PDK1: variants seen among roughly 807,000 people sequenced by gnomAD.
PDK1 encodes the protein [Pyruvate dehydrogenase (acetyl-transferring)] kinase isozyme 1, mitochondrial.
A neutral mutation model predicts 54.2 loss-of-function variants in PDK1; 39 were observed. The ratio of observed to expected loss-of-function variants is 0.72; its 90% confidence interval spans 0.56 to 0.94. The LOEUF (loss-of-function observed/expected upper bound fraction) is 0.94. Among genes scored for constraint, PDK1 ranks in the 40% least tolerant of loss-of-function variants. The probability of loss-of-function intolerance (pLI) is 0.00; values close to 1 mark genes in which losing one functional copy is unlikely to be tolerated. For missense variants in PDK1, 552 were observed against 566.0 expected, an observed-to-expected ratio of 0.98 and a Z score of 0.25; for synonymous variants, 221 against 207.1, an observed-to-expected ratio of 1.07 and a Z score of -0.58.
At chr2:172,570,130 T>A (rs577183893) in intron 7 of PDK1, among the ~76,000 whole-genome samples, 1 of 152,344 alleles carries the variant, frequency 6.6e-6, no homozygotes, top group East Asian at 1.9e-4. Flanking sequence ...TTACATCTAG[T>A]TTATATCATT....
At chr2:172,583,000 A>G (rs776097621) in intron 8 of PDK1, among the ~76,000 whole-genome samples, 13 of 152,232 alleles carry the variant, frequency 8.5e-5, no homozygotes, top group Non-Finnish European at 1.5e-4. Flanking sequence ...TCCGTGGCCA[A>G]AAGGTTAAGG....
chr2:172,587,176 T>A (rs1457089997), intron 9 of PDK1, among the ~76,000 whole-genome samples: 3 of 152,232 alleles, frequency 2.0e-5, no homozygotes, highest in African/African-American at 2.4e-5. Flanking sequence ...TCTTGCTGAC[T>A]TCAAGAATGA....
chr2:172,621,611 A>G, the PDK1 span, among the ~76,000 whole-genome samples: 2 of 147,606 alleles, frequency 1.4e-5, no homozygotes, highest in Non-Finnish European at 3.0e-5. Flanking sequence ...ATGTTTATAT[A>G]TCATATATGT....
rs560825893 is a variant in PDK1, at chr2:172,605,915, C to G, written c.*9946C>G. On this transcript the variant is annotated 3_prime_UTR_variant, in exon 11 of 11. Coordinates refer to ENST00000282077, the MANE Select transcript of PDK1 (RefSeq NM_002610.5). ...ACTACCCCCACAACTCCCCCTCCCC[C>G]AAACCTGATAGATGCTATAATTTCT... The G allele has an allele frequency of 6.6e-6, 1 of 152,314 alleles. No individual in the cohort carries two copies. Among genetic ancestry groups the G allele is most frequent in the African/African-American group, 2.4e-5 (1 of 41,550 alleles). The allele number at this position is 152,314 out of a possible 1,614,324, so 9.4% of individuals were successfully genotyped here.
chr2:172,660,001 A>G, the PDK1 span, among the ~76,000 whole-genome samples: 2 of 152,084 alleles, frequency 1.3e-5, no homozygotes, highest in Non-Finnish European at 2.9e-5. Flanking sequence ...AATGAGATGC[A>G]GAGGATGTTC....
chr2:172,680,831 G>A, the PDK1 span, among the ~76,000 whole-genome samples: 2 of 152,256 alleles, frequency 1.3e-5, no homozygotes, highest in African/African-American at 2.4e-5. Flanking sequence ...GCAACAGAGA[G>A]CTTAAGGCAG....
At chr2:172,573,662 G>GATAT (rs60256439) in intron 8 of PDK1, among the ~76,000 whole-genome samples, 24,103 of 150,318 alleles carry the variant, frequency 0.16, 2,183 homozygotes, top group African/African-American at 0.23. Flanking sequence ...ACTCTCTCTA[G>GATAT]ATATATATAT....
At chr2:172,580,243 T>C (rs1371041024) in intron 8 of PDK1, among the ~76,000 whole-genome samples, 24 of 151,374 alleles carry the variant, frequency 1.6e-4, no homozygotes, top group African/African-American at 5.6e-4. Context: ...TATCACTTTT[T>C]TTTTTTTTTT....
rs535317158 is a variant in PDK1 at position 172,562,003 on chromosome 2, C to T, written c.339-217C>T. ...AAAATCTTAAAATTCTTAAATTTGA[C>T]CTTTGCTTTTAGGAGAAAATGTGCA... On this transcript the variant is annotated intron_variant, in intron 2 of 10. Coordinates refer to ENST00000282077, the MANE Select transcript of PDK1 (RefSeq NM_002610.5). 2.0e-5 allele frequency among the ~76,000 whole-genome samples: 3 copies of T among 152,212 alleles called. No individual in the cohort carries two copies. The South Asian group carries it at 6.2e-4, about 32-fold the overall frequency.
the PDK1 span, among the ~76,000 whole-genome samples, chr2:172,647,982 A>G: frequency 1.4e-4 from 22 of 152,262 alleles, no homozygotes; most frequent in Non-Finnish European, 2.8e-4. Context: ...TAATCATGAG[A>G]AAATGCCAGG....
chr2:172,605,660 C>G lies in PDK1; in HGVS notation c.*9691C>G, dbSNP rs149500086. Reference sequence around the variant, plus strand: ...AAAGTGTTGGGATAGCAGGCATGAACCACCGTGCTCAGCCTCTCTGTAAAT... The same window carrying G: ...AAAGTGTTGGGATAGCAGGCATGAAGCACCGTGCTCAGCCTCTCTGTAAAT... On this transcript the variant is annotated 3_prime_UTR_variant, in exon 11 of 11. Coordinates refer to ENST00000282077, the MANE Select transcript of PDK1 (RefSeq NM_002610.5). 43 of 152,380 alleles carry G rather than the reference C, an allele frequency of 2.8e-4. 1 individual carries two copies. Among genetic ancestry groups the G allele is most frequent in the African/African-American group, 9.1e-4 (38 of 41,572 alleles). The allele number at this position is 152,380 out of a possible 1,614,324, so 9.4% of individuals were successfully genotyped here.
Position 172,604,628 on chromosome 2 carries a change from T to C in PDK1, c.*8659T>C, listed in dbSNP as rs1691227179. Reference sequence around the variant, plus strand: ...AGCTAAGTAACATAGTTCCACCTTATTCACTTGGTCTTTGATGTGGTGTCC... The same window carrying C: ...AGCTAAGTAACATAGTTCCACCTTACTCACTTGGTCTTTGATGTGGTGTCC... On this transcript the variant is annotated 3_prime_UTR_variant, in exon 11 of 11. Coordinates refer to ENST00000282077, the MANE Select transcript of PDK1 (RefSeq NM_002610.5). The C allele has an allele frequency of 6.6e-6, 1 of 152,342 alleles. No individual in the cohort carries two copies. The highest frequency in any genetic ancestry group is 2.1e-4 in the South Asian group (1 of 4,834). 9.4% of individuals were successfully genotyped at this position (152,342 alleles called of 1,614,324 possible). A position where few individuals can be genotyped will look rare whatever the true frequency, so the allele number is the denominator to read the frequency against.
chr2:172,599,935 A>C lies in PDK1; in HGVS notation c.*3966A>C, dbSNP rs1043122492. On this transcript the variant is annotated 3_prime_UTR_variant, in exon 11 of 11. Transcript: ENST00000282077. ...ATTAGCAATTATTTAGCAAAAATAC[A>C]GAGTTTCACCCCAGTAAAATAAACT... is the stretch of plus-strand genomic sequence containing the variant. 1 of 152,236 alleles carries C rather than the reference A, an allele frequency of 6.6e-6. No individual in the cohort carries two copies. The highest frequency in any genetic ancestry group is 2.4e-5 in the African/African-American group (1 of 41,458). 9.4% of individuals were successfully genotyped at this position (152,236 alleles called of 1,614,324 possible).
the PDK1 span, among the ~76,000 whole-genome samples, chr2:172,665,910 A>T: frequency 0.019 from 2,836 of 152,276 alleles, 90 homozygotes; most frequent in African/African-American, 0.065. Flanking sequence ...TCACTCAGAC[A>T]TAACACCTGG....
At chr2:172,679,973 C>G in the PDK1 span, among the ~76,000 whole-genome samples, 1 of 152,140 alleles carries the variant, frequency 6.6e-6, no homozygotes, top group Non-Finnish European at 1.5e-5. Context: ...GACCCTATTT[C>G]AGAGACACAA....
chr2:172,564,782 T>C (rs1373200970), intron 4 of PDK1, 95 bp downstream of exon 4: 2 of 1,164,950 alleles, frequency 1.7e-6, no homozygotes, highest in African/African-American at 3.1e-5. Flanking sequence ...GTAGGAAATT[T>C]AGTTTTACCT....
chr2:172,556,862 T>C (rs1688363260), intron 1 of PDK1, among the ~76,000 whole-genome samples: 1 of 152,254 alleles, frequency 6.6e-6, no homozygotes, highest in Non-Finnish European at 1.5e-5. Context: ...ACAGCACATT[T>C]CATCATCAGC....
At chr2:172,594,098 C>T (rs1690757490) in intron 10 of PDK1, among the ~76,000 whole-genome samples, 1 of 148,608 alleles carries the variant, frequency 6.7e-6, no homozygotes, top group Admixed American at 6.8e-5. Flanking sequence ...AGTGCAATGG[C>T]ATGATCTCGG....
the PDK1 span, among the ~76,000 whole-genome samples, chr2:172,722,075 C>G: frequency 1.3e-5 from 2 of 152,248 alleles, no homozygotes; most frequent in African/African-American, 2.4e-5. Flanking sequence ...CCTGTAAAAG[C>G]CACTCACGTG....
Sources: allele counts gnomAD v4.1 joint callset (sites outside exome capture counted in the v4.1 genomes callset), GRCh38; gene constraint gnomAD v4.1.1; transcripts MANE v1.5; gene names NCBI Gene and HGNC (gene_info 2026-07-23, HGNC 2026-07-21).